KIF14: variants seen among roughly 807,000 people sequenced by gnomAD.
KIF14 encodes the protein kinesin family member 14, also known as kinesin-like protein KIF14.
KIF14 carries 98 observed loss-of-function variants against 176.2 expected under a neutral mutation model. That is an observed-to-expected ratio of 0.56 (90% CI 0.47 to 0.66). KIF14 has a LOEUF of 0.66. KIF14 is among the 30% of genes least tolerant of loss of function. The probability of loss-of-function intolerance (pLI) is 0.00; values close to 1 mark genes in which losing one functional copy is unlikely to be tolerated. For synonymous variants in KIF14, 566 were observed against 632.2 expected, an observed-to-expected ratio of 0.90 and a Z score of 1.57; for missense variants, 1,751 against 1,920.4, an observed-to-expected ratio of 0.91 and a Z score of 1.65.
chr1:200,615,850 C>T (rs1186901011), intron 2 of KIF14, among the ~76,000 whole-genome samples: 2 of 152,064 alleles, frequency 1.3e-5, no homozygotes, highest in Non-Finnish European at 2.9e-5. Context: ...ACCTATCCTA[C>T]TTTTACAAGA....
intron 14 of KIF14, among the ~76,000 whole-genome samples, chr1:200,596,081 C>T (rs186627562): frequency 6.6e-6 from 1 of 152,086 alleles, no homozygotes; most frequent in East Asian, 1.9e-4. Flanking sequence ...TGGTGAAACC[C>T]CATCTCTACT....
At chr1:200,605,464 A>T (rs1009690586) in intron 7 of KIF14, 74 bp from the exon 8 acceptor site, 6 of 1,012,990 alleles carry the variant, frequency 5.9e-6, no homozygotes, top group Non-Finnish European at 9.0e-6. Context: ...GAGAGACAAC[A>T]TATACACATT....
intron 14 of KIF14, among the ~76,000 whole-genome samples, chr1:200,597,053 C>A (rs2102712772): frequency 6.6e-6 from 1 of 151,892 alleles, no homozygotes; most frequent in African/African-American, 2.4e-5. Flanking sequence ...CAGGTACCAC[C>A]ACGCCCAGAA....
At chr1:200,610,830 G>A (rs1660121578) in intron 4 of KIF14, among the ~76,000 whole-genome samples, 1 of 152,134 alleles carries the variant, frequency 6.6e-6, no homozygotes, top group Non-Finnish European at 1.5e-5. Flanking sequence ...AGAGAAAAGG[G>A]AAGGAGTAAA....
intron 28 of KIF14, 151 bp downstream of exon 28, chr1:200,555,229 G>A: frequency 3.7e-6 from 2 of 539,846 alleles, no homozygotes; most frequent in Non-Finnish European, 6.6e-6. Flanking sequence ...ACATAAAAAA[G>A]ACAAAGAGCT....
Position 200,617,596 on chromosome 1 carries a change from A to C in KIF14, c.1112+16T>G, listed in dbSNP as rs367934765. On this transcript the variant is annotated intron_variant, in intron 2 of 29. Coordinates refer to ENST00000367350, the MANE Select transcript of KIF14 (RefSeq NM_014875.3). ...ATGTAACTGCTTGGCTTTAGATTTTAAAAGGCATCACATACCTCTTGGTGA... is the reference window on the plus strand; with the variant it reads ...ATGTAACTGCTTGGCTTTAGATTTTCAAAGGCATCACATACCTCTTGGTGA... 1.8e-5 allele frequency: 29 copies of C among 1,572,892 alleles called. No homozygotes were observed. Among genetic ancestry groups the C allele is most frequent in the Non-Finnish European group, 2.5e-5 (29 of 1,159,522 alleles).
At chr1:200,575,536 C>G in intron 22 of KIF14, 55 bp downstream of exon 22, 2 of 910,956 alleles carry the variant, frequency 2.2e-6, no homozygotes, top group Non-Finnish European at 1.7e-6. Flanking sequence ...CACACACACA[C>G]ACACACACAT....
Position 200,580,378 on chromosome 1 carries a change from T to C in KIF14, c.3341A>G (p.Asp1114Gly). 6 of 1,471,636 alleles carry C rather than the reference T, an allele frequency of 4.1e-6. No homozygotes were observed. Among genetic ancestry groups the C allele is most frequent in the Non-Finnish European group, 5.4e-6 (6 of 1,107,656 alleles). 91.2% of individuals were successfully genotyped at this position (1,471,636 alleles called of 1,614,324 possible). ...GTCAGAACTACTTTTATCTGATATATCATGTCTGAAAGAAAAATAAACAAA... is the reference window on the plus strand; with the variant it reads ...GTCAGAACTACTTTTATCTGATATACCATGTCTGAAAGAAAAATAAACAAA... ...LKTYYVFGRHDISDKSSSDTS... is the reference protein window; with the variant it reads ...LKTYYVFGRHGISDKSSSDTS... The change falls in exon 21 of 30, where the codon GAT becomes GGT. Residue 1114 changes from aspartate to glycine, a missense_variant. By Grantham distance (94) the Asp-to-Gly change is moderately conservative (BLOSUM62 -1). Coordinates refer to ENST00000367350, the MANE Select transcript of KIF14 (RefSeq NM_014875.3).
At chr1:200,583,033 ACACCAGG>A (rs890554202) in intron 19 of KIF14, among the ~76,000 whole-genome samples, 1 of 152,170 alleles carries the variant, frequency 6.6e-6, no homozygotes, top group Non-Finnish European at 1.5e-5. Context: ...CTGTTAAGTA[ACACCAGG>A]CAGACACAAT....
At position 200,600,072 on chromosome 1, in the gene KIF14, A is replaced by G. The variant is rs1020528093; in HGVS notation, c.2342T>C (p.Leu781Pro). The G allele has an allele frequency of 1.3e-6, 2 of 1,594,550 alleles. No homozygotes were observed. Among genetic ancestry groups the G allele is most frequent in the Non-Finnish European group, 1.7e-6 (2 of 1,165,096 alleles). The change falls in exon 13 of 30, where the codon CTT (leucine) becomes CCT (proline). Residue 781 changes from leucine (L) to proline (P), a missense_variant. Transcript: ENST00000367350. ...EKFEQAEKRK[L>P]QETKELQKAG... Reference sequence around the variant, plus strand: ...TACCTGTAACTCTTTTGTTTCTTGAAGTTTTCTTTTTTCAGCTTGTTCAAA... The same window carrying G: ...TACCTGTAACTCTTTTGTTTCTTGAGGTTTTCTTTTTTCAGCTTGTTCAAA...
Position 200,603,247 on chromosome 1 carries a change from T to C in KIF14, c.1958A>G (p.Tyr653Cys), listed in dbSNP as rs1328226805. 1.9e-6 allele frequency: 3 copies of C among 1,600,414 alleles called. No individual in the cohort carries two copies. Among genetic ancestry groups the C allele is most frequent in the African/African-American group, 1.3e-5 (1 of 74,682 alleles). ...TTGCCATGTAAGAACAGATTCACGA[T>C]AAGGAATAAAAACACTCCTTTGGTT... ...QANQRSVFIP[Y>C]RESVLTWLLK... The change falls in exon 10 of 30, where the codon TAT becomes TGT. Residue 653 changes from tyrosine (Y) to cysteine (C), a missense_variant. Transcript: ENST00000367350.
At chr1:200,613,195 T>G (rs1660245139) in intron 4 of KIF14, among the ~76,000 whole-genome samples, 1 of 152,116 alleles carries the variant, frequency 6.6e-6, no homozygotes, top group African/African-American at 2.4e-5. Flanking sequence ...GCCTCTAGTT[T>G]CTTCTCTTAT....
chr1:200,581,354 T>A (rs1001517118), intron 19 of KIF14, 60 bp from the exon 20 acceptor site: 2 of 834,650 alleles, frequency 2.4e-6, no homozygotes, highest in Admixed American at 5.6e-5. Context: ...CATATACCAT[T>A]AGGCAAAACA....
chr1:200,610,162 T>C lies in KIF14; in HGVS notation c.1456-1234A>G, dbSNP rs182051720. ...ATGTACTGAATGCCACTGAATTATATACTTTAAAGTGGTTAATTTGATGTT... is the reference window on the plus strand; with the variant it reads ...ATGTACTGAATGCCACTGAATTATACACTTTAAAGTGGTTAATTTGATGTT... On this transcript the variant is annotated intron_variant, in intron 4 of 29. Transcript: ENST00000367350. Among the ~76,000 whole-genome samples, 497 of 152,258 alleles carry C rather than the reference T, an allele frequency of 3.3e-3. 1 individual carries two copies. The highest frequency in any genetic ancestry group is 6.8e-3 in the Middle Eastern group (2 of 294).
chr1:200,570,024 T>C lies in KIF14; in HGVS notation c.3567-19A>G, dbSNP rs763421464. 1 of 1,366,966 alleles carries C rather than the reference T, an allele frequency of 7.3e-7. No homozygotes were observed. The highest frequency in any genetic ancestry group is 1.3e-5 in the South Asian group (1 of 79,176). The allele number at this position is 1,366,966 out of a possible 1,614,324, so 84.7% of individuals were successfully genotyped here. A position where few individuals can be genotyped will look rare whatever the true frequency, so the allele number is the denominator to read the frequency against. On this transcript the variant is annotated intron_variant, in intron 22 of 29. Transcript: ENST00000367350. ...CCTACTCCTGAAAAAAGACAAACCA[T>C]AAGATTAGCAGTTCTATACCACATG...
chr1:200,587,358 A>G (rs1658804769), intron 18 of KIF14, among the ~76,000 whole-genome samples: 1 of 151,998 alleles, frequency 6.6e-6, no homozygotes, highest in Non-Finnish European at 1.5e-5. Context: ...AATTAAAAAT[A>G]AGAAAACCCC....
intron 23 of KIF14, among the ~76,000 whole-genome samples, chr1:200,567,937 G>A (rs974738241): frequency 6.6e-6 from 1 of 151,706 alleles, no homozygotes; most frequent in Non-Finnish European, 1.5e-5. Context: ...TAGAGTCATC[G>A]AGAAGAGTTA....
chr1:200,581,132 A>AAAAG, intron 20 of KIF14, 69 bp downstream of exon 20: 1 of 784,682 alleles, frequency 1.3e-6, no homozygotes, highest in Non-Finnish European at 2.0e-6. Context: ...AAAAAAAAAA[A>AAAAG]AGAGAAACTA....
intron 2 of KIF14, 56 bp downstream of exon 2, chr1:200,617,556 T>C (rs897013975): frequency 6.6e-7 from 1 of 1,508,306 alleles, no homozygotes; most frequent in African/African-American, 1.4e-5. Flanking sequence ...CAGAGAGGAA[T>C]TAAAGGTACC....
Sources: allele counts gnomAD v4.1 joint callset (sites outside exome capture counted in the v4.1 genomes callset), GRCh38; gene constraint gnomAD v4.1.1; transcripts MANE v1.5; gene names NCBI Gene and HGNC (gene_info 2026-07-23, HGNC 2026-07-21).